Variants in TENM3 observed in about 807,000 individuals in gnomAD.
The protein encoded by TENM3 is teneurin transmembrane protein 3.
TENM3 carries 63 observed loss-of-function variants against 255.1 expected under a neutral mutation model. The ratio of observed to expected loss-of-function variants is 0.25; its 90% CI spans 0.20 to 0.30. The LOEUF is 0.30. Ranked by LOEUF, TENM3 falls within the 10% of genes least tolerant of loss-of-function variation. The pLI is 1.00. For synonymous variants in TENM3, 1,306 were observed against 1,322.3 expected (o/e 0.99, Z 0.27); for missense variants, 2,929 against 3,461.1 (o/e 0.85, Z 3.86).
intron 1 of TENM3, among the ~76,000 whole-genome samples, chr4:182,293,998 C>G (rs889775214): frequency 1.3e-5 from 2 of 152,060 alleles, no homozygotes; most frequent in Non-Finnish European, 2.9e-5. Context: ...TTGGGTCTTT[C>G]CTGCGCTCCC....
chr4:182,437,454 G>A (rs56334045), intron 3 of TENM3, among the ~76,000 whole-genome samples: 45,434 of 151,514 alleles, frequency 0.3, 7,206 homozygotes, highest in Middle Eastern at 0.4. Context: ...TTCAAGATCA[G>A]CCTGGGCAAC....
the TENM3 span, among the ~76,000 whole-genome samples, chr4:182,067,693 T>C: frequency 6.6e-6 from 1 of 152,202 alleles, no homozygotes; most frequent in Non-Finnish European, 1.5e-5. Context: ...TGCTGGAATA[T>C]TGGTGATTTC....
At chr4:182,682,266 A>G (rs1309989122) in intron 11 of TENM3, among the ~76,000 whole-genome samples, 5 of 152,186 alleles carry the variant, frequency 3.3e-5, no homozygotes, top group East Asian at 3.9e-4. Context: ...ATGAGATACC[A>G]TATCTTCTTA....
chr4:181,453,711 C>A, the TENM3 span, among the ~76,000 whole-genome samples: 44 of 152,234 alleles, frequency 2.9e-4, no homozygotes, highest in African/African-American at 1.0e-3. Context: ...GCTGTTCTAT[C>A]CTGCATGGTT....
intron 3 of TENM3, among the ~76,000 whole-genome samples, chr4:182,431,664 C>T (rs774495402): frequency 1.3e-5 from 2 of 152,118 alleles, no homozygotes; most frequent in Admixed American, 6.5e-5. Context: ...ACTAGGGACA[C>T]GGGGAATGCC....
chr4:182,695,647 G>C (rs576372902), intron 12 of TENM3, among the ~76,000 whole-genome samples: 2 of 152,188 alleles, frequency 1.3e-5, no homozygotes, highest in African/African-American at 4.8e-5. Context: ...GGAGTTACTA[G>C]ATGAAGATAC....
chr4:182,442,574 A>C (rs562657832), intron 3 of TENM3, among the ~76,000 whole-genome samples: 7 of 152,268 alleles, frequency 4.6e-5, no homozygotes, highest in Non-Finnish European at 7.3e-5. Flanking sequence ...TCAACCAAAA[A>C]TGCTTGGTCT....
At chr4:181,855,403 G>A in the TENM3 span, among the ~76,000 whole-genome samples, 1 of 152,150 alleles carries the variant, frequency 6.6e-6, no homozygotes, top group African/African-American at 2.4e-5. Context: ...ATTCTCAAAA[G>A]CCCAACATGA....
At chr4:182,162,543 G>C (rs967299764) in intron 1 of TENM3, among the ~76,000 whole-genome samples, 4 of 152,154 alleles carry the variant, frequency 2.6e-5, no homozygotes, top group Non-Finnish European at 5.9e-5. Flanking sequence ...TCATTTCCAA[G>C]TTGGTATTCT....
chr4:182,273,354 T>C (rs960829988), intron 1 of TENM3, among the ~76,000 whole-genome samples: 1 of 152,210 alleles, frequency 6.6e-6, no homozygotes, highest in African/African-American at 2.4e-5. Flanking sequence ...TTCTTAGACC[T>C]GAGATAATTT....
chr4:182,486,685 A>G (rs980221013), intron 3 of TENM3, among the ~76,000 whole-genome samples: 9 of 152,190 alleles, frequency 5.9e-5, no homozygotes, highest in Non-Finnish European at 1.3e-4. Context: ...CTTTTATTGC[A>G]GGAGAGCCTG....
chr4:182,527,301 G>A (rs937668523), intron 3 of TENM3, among the ~76,000 whole-genome samples: 2 of 152,104 alleles, frequency 1.3e-5, no homozygotes, highest in Admixed American at 1.3e-4. Flanking sequence ...AAACTTGCTT[G>A]CTGCCAGGTA....
chr4:182,317,041 G>A (rs1054004288), intron 1 of TENM3, among the ~76,000 whole-genome samples: 42 of 152,214 alleles, frequency 2.8e-4, no homozygotes, highest in African/African-American at 9.1e-4. Flanking sequence ...TCTTTTTGTT[G>A]TTATGTTTTA....
At chr4:182,564,698 A>G (rs1294057004) in intron 3 of TENM3, among the ~76,000 whole-genome samples, 1 of 151,880 alleles carries the variant, frequency 6.6e-6, no homozygotes, top group Admixed American at 6.6e-5. Context: ...CTATTGTTAC[A>G]GCATTGCTTT....
At chr4:181,518,662 C>T in the TENM3 span, among the ~76,000 whole-genome samples, 1 of 152,128 alleles carries the variant, frequency 6.6e-6, no homozygotes, top group Admixed American at 6.5e-5. Context: ...CTCCTGACCT[C>T]GTGATCCGCC....
chr4:182,485,770 A>G (rs1474522373), intron 3 of TENM3, among the ~76,000 whole-genome samples: 1 of 152,150 alleles, frequency 6.6e-6, no homozygotes, highest in Non-Finnish European at 1.5e-5. Flanking sequence ...AGCTGTTGGG[A>G]TCCAATGCTG....
At chr4:182,632,968 C>G (rs1751518559) in intron 5 of TENM3, among the ~76,000 whole-genome samples, 1 of 152,098 alleles carries the variant, frequency 6.6e-6, no homozygotes, top group South Asian at 2.1e-4. Flanking sequence ...CTCACTCTGT[C>G]TCACAGGCTG....
chr4:182,590,568 G>C (rs373485720), intron 3 of TENM3, among the ~76,000 whole-genome samples: 1 of 118,504 alleles, frequency 8.4e-6, no homozygotes, highest in Non-Finnish European at 1.9e-5. Context: ...AAAAGAAAAA[G>C]AAAAAGGTGG....
the TENM3 span, among the ~76,000 whole-genome samples, chr4:181,736,339 T>G: frequency 6.6e-6 from 1 of 152,122 alleles, no homozygotes; most frequent in Non-Finnish European, 1.5e-5. Flanking sequence ...TTCTTTCTGA[T>G]CAAATTATGC....
Sources: allele counts gnomAD v4.1 joint callset (sites outside exome capture counted in the v4.1 genomes callset), GRCh38; gene constraint gnomAD v4.1.1; transcripts MANE v1.5; gene names NCBI Gene and HGNC (gene_info 2026-07-23, HGNC 2026-07-21).